Variants in LRRTM4 observed in about 807,000 individuals in gnomAD.
The protein encoded by LRRTM4 is leucine rich repeat transmembrane neuronal 4.
In LRRTM4, 25 loss-of-function variants were observed where a neutral mutation model predicts 47.6. The observed-to-expected ratio is 0.53, with a 90% CI of 0.38 to 0.73. LRRTM4 has a LOEUF of 0.73. Ranked by LOEUF, LRRTM4 falls within the 30% of genes least tolerant of loss-of-function variation. The pLI is 0.00. For synonymous variants in LRRTM4, 311 were observed against 269.5 expected (o/e 1.15, Z -1.51); for missense variants, 638 against 713.4 (o/e 0.89, Z 1.20).
At chr2:76,809,883 C>T (rs1670678436) in intron 3 of LRRTM4, among the ~76,000 whole-genome samples, 1 of 152,084 alleles carries the variant, frequency 6.6e-6, no homozygotes, top group South Asian at 2.1e-4. Flanking sequence ...TTAGACCTTT[C>T]CCAAGATAGC....
At chr2:77,461,299 T>C (rs920865147) in intron 3 of LRRTM4, among the ~76,000 whole-genome samples, 1 of 152,114 alleles carries the variant, frequency 6.6e-6, no homozygotes, top group Non-Finnish European at 1.5e-5. Flanking sequence ...TACTTTCTGG[T>C]TATTGTACAT....
At chr2:77,171,906 C>A (rs1673058748) in intron 3 of LRRTM4, among the ~76,000 whole-genome samples, 1 of 152,018 alleles carries the variant, frequency 6.6e-6, no homozygotes, top group Admixed American at 6.6e-5. Flanking sequence ...CAGGTTTGCA[C>A]AAACTTTGTA....
intron 3 of LRRTM4, among the ~76,000 whole-genome samples, chr2:77,018,600 AG>A (rs1298797584): frequency 1.3e-5 from 2 of 150,876 alleles, no homozygotes; most frequent in Non-Finnish European, 2.9e-5. Flanking sequence ...GCCAATTTCA[AG>A]AATCATTAGA....
intron 3 of LRRTM4, among the ~76,000 whole-genome samples, chr2:76,795,582 C>CACACACACATACACACACACT (rs1043734861): frequency 2.0e-5 from 2 of 101,206 alleles, no homozygotes; most frequent in African/African-American, 1.0e-4. Context: ...TATATATGCA[C>CACACACACATACACACACACT]ACACACACAT....
chr2:76,876,151 G>A (rs891501382), intron 3 of LRRTM4, among the ~76,000 whole-genome samples: 3 of 151,836 alleles, frequency 2.0e-5, no homozygotes, highest in African/African-American at 7.3e-5. Context: ...AACGATTTTA[G>A]AGAAAAAAAA....
In LRRTM4 at chr2:76,984,824, A is replaced by G. The variant is rs116816003; in HGVS notation, c.1552-235908T>C. On this transcript the variant is annotated intron_variant, in intron 3 of 3. Transcript: ENST00000409884. ...TGCAGTTCAAAGCATTCCTAACTAT[A>G]TTGCTGCTCACACTCAAGTTAACAT... Among the ~76,000 whole-genome samples the G allele has an allele frequency of 2.1e-3, 326 of 152,122 alleles. 1 individual carries two copies. Among genetic ancestry groups the G allele is most frequent in the African/African-American group, 7.7e-3 (318 of 41,550 alleles).
intron 3 of LRRTM4, among the ~76,000 whole-genome samples, chr2:76,992,775 T>A (rs1677054548): frequency 6.7e-6 from 1 of 149,972 alleles, no homozygotes; most frequent in African/African-American, 2.5e-5. Context: ...AAAAAACTAT[T>A]CTAAAATTCA....
At chr2:77,392,129 T>C (rs1157471583) in intron 3 of LRRTM4, among the ~76,000 whole-genome samples, 1 of 152,030 alleles carries the variant, frequency 6.6e-6, no homozygotes, top group East Asian at 1.9e-4. Flanking sequence ...GCTTGTTACC[T>C]GGAGGCTTCA....
In LRRTM4 at chr2:77,170,760, T is replaced by C. The variant is rs538209065; in HGVS notation, c.1551+347558A>G. On this transcript the variant is annotated intron_variant, in intron 3 of 3. Transcript: ENST00000409884. ...ACCAAATGTTTTATCACTATATTTA[T>C]AAATGATCATAGGAATTTCTTTCTT... Among the ~76,000 whole-genome samples, 167 of 144,502 alleles carry C rather than the reference T, an allele frequency of 1.2e-3. 2 individuals carry two copies. The highest frequency in any genetic ancestry group is 3.4e-3 in the African/African-American group (133 of 39,298). The allele number at this position is 144,502 out of a possible 152,430, so 94.8% of individuals were successfully genotyped here.
At chr2:77,159,205 C>T (rs1005704943) in intron 3 of LRRTM4, among the ~76,000 whole-genome samples, 111 of 152,194 alleles carry the variant, frequency 7.3e-4, no homozygotes, top group Non-Finnish European at 1.4e-3. Context: ...TTCAAAAATC[C>T]ATGAATAAAT....
intron 3 of LRRTM4, among the ~76,000 whole-genome samples, chr2:77,178,309 T>C (rs1330698313): frequency 1.3e-5 from 2 of 152,098 alleles, no homozygotes; most frequent in Admixed American, 6.6e-5. Flanking sequence ...TTATTTCTGC[T>C]GGGCGCGGTG....
chr2:77,390,023 A>T (rs1673435336), intron 3 of LRRTM4, among the ~76,000 whole-genome samples: 1 of 152,110 alleles, frequency 6.6e-6, no homozygotes, highest in Non-Finnish European at 1.5e-5. Flanking sequence ...TTCACAAACA[A>T]CACATTCAGG....
chr2:77,367,197 G>A lies in LRRTM4; in HGVS notation c.1551+151121C>T, dbSNP rs562984030. On this transcript the variant is annotated intron_variant, in intron 3 of 3. Coordinates refer to ENST00000409884, the MANE Select transcript of LRRTM4 (RefSeq NM_001134745.3). ...TCCTTTTGCAGTTATTAGCTAAGAAGTTTTCCTATCCTCCTAACCTCTGTG... is the reference window on the plus strand; with the variant it reads ...TCCTTTTGCAGTTATTAGCTAAGAAATTTTCCTATCCTCCTAACCTCTGTG... 3.4e-4 allele frequency among the ~76,000 whole-genome samples: 52 copies of A among 151,598 alleles called. No homozygotes were observed. In the East Asian group the frequency reaches 8.6e-3, roughly 25 times the overall value.
chr2:77,116,896 A>C (rs927294831), intron 3 of LRRTM4, among the ~76,000 whole-genome samples: 1 of 152,086 alleles, frequency 6.6e-6, no homozygotes. Flanking sequence ...AATCAATATC[A>C]ATCACTTTAA....
At chr2:77,196,977 T>A (rs1442748837) in intron 3 of LRRTM4, among the ~76,000 whole-genome samples, 3 of 152,192 alleles carry the variant, frequency 2.0e-5, no homozygotes, top group African/African-American at 7.2e-5. Context: ...ATCCTATAAC[T>A]TTCTTGGACT....
chr2:77,382,414 C>T (rs182211268), intron 3 of LRRTM4, among the ~76,000 whole-genome samples: 5 of 152,046 alleles, frequency 3.3e-5, no homozygotes, highest in African/African-American at 1.2e-4. Flanking sequence ...AACTCTAAAG[C>T]AATTAATTGA....
intron 3 of LRRTM4, among the ~76,000 whole-genome samples, chr2:76,980,911 C>A (rs554135701): frequency 6.6e-6 from 1 of 152,156 alleles, no homozygotes; most frequent in South Asian, 2.1e-4. Flanking sequence ...AGGATTACAT[C>A]TCCTATGATT....
intron 3 of LRRTM4, among the ~76,000 whole-genome samples, chr2:77,221,406 C>T (rs1674627475): frequency 6.6e-6 from 1 of 152,148 alleles, no homozygotes; most frequent in South Asian, 2.1e-4. Flanking sequence ...AAGACACAGA[C>T]TGGCAAATTG....
At chr2:77,398,757 T>G (rs1673807035) in intron 3 of LRRTM4, among the ~76,000 whole-genome samples, 1 of 151,846 alleles carries the variant, frequency 6.6e-6, no homozygotes, top group African/African-American at 2.4e-5. Flanking sequence ...AGCAATAATT[T>G]AAACATACCC....
Sources: allele counts gnomAD v4.1 joint callset (sites outside exome capture counted in the v4.1 genomes callset), GRCh38; gene constraint gnomAD v4.1.1; transcripts MANE v1.5; gene names NCBI Gene and HGNC (gene_info 2026-07-23, HGNC 2026-07-21).